SLC24A2: variants seen among roughly 807,000 people sequenced by gnomAD.
SLC24A2 encodes the protein sodium/potassium/calcium exchanger 2.
SLC24A2 carries 36 observed loss-of-function variants against 62.0 expected under a neutral mutation model. That is an observed-to-expected ratio of 0.58 (90% CI 0.44 to 0.77). The LOEUF (loss-of-function observed/expected upper bound fraction) is 0.77. SLC24A2 is among the 30% of genes least tolerant of loss of function. SLC24A2 has a pLI of 0.00. For synonymous variants in SLC24A2, 358 were observed against 294.0 expected, an observed-to-expected ratio of 1.22 and a Z score of -2.23; for missense variants, 846 against 817.9, an observed-to-expected ratio of 1.03 and a Z score of -0.42.
the SLC24A2 span, among the ~76,000 whole-genome samples, chr9:20,060,229 A>G: frequency 6.6e-6 from 1 of 152,140 alleles, no homozygotes; most frequent in Non-Finnish European, 1.5e-5. Context: ...CCAAACATTT[A>G]AAGAAGAAAA....
At chr9:20,014,906 C>G in the SLC24A2 span, among the ~76,000 whole-genome samples, 2 of 151,946 alleles carry the variant, frequency 1.3e-5, no homozygotes, top group South Asian at 2.1e-4. Flanking sequence ...AGAAATGATA[C>G]GTAAGTATGG....
chr9:19,811,471 A>G, the SLC24A2 span, among the ~76,000 whole-genome samples: 1 of 152,082 alleles, frequency 6.6e-6, no homozygotes, highest in South Asian at 2.1e-4. Context: ...TCAACTTGCT[A>G]TTTGACTTAC....
intron 2 of SLC24A2, among the ~76,000 whole-genome samples, chr9:19,692,649 C>A (rs1325932288): frequency 1.3e-5 from 2 of 152,048 alleles, no homozygotes; most frequent in Non-Finnish European, 2.9e-5. Flanking sequence ...ATTCACTCAG[C>A]CTGCTTTATT....
chr9:20,302,871 T>C, the SLC24A2 span, among the ~76,000 whole-genome samples: 2 of 152,204 alleles, frequency 1.3e-5, no homozygotes, highest in Non-Finnish European at 2.9e-5. Context: ...ATGATCAACA[T>C]TGAGGTTGAG....
chr9:20,216,983 G>A, the SLC24A2 span, among the ~76,000 whole-genome samples: 1 of 152,128 alleles, frequency 6.6e-6, no homozygotes, highest in African/African-American at 2.4e-5. Flanking sequence ...TTAAAAGCTG[G>A]TTAGAACTGA....
chr9:20,047,329 G>T, the SLC24A2 span, among the ~76,000 whole-genome samples: 1 of 151,982 alleles, frequency 6.6e-6, no homozygotes, highest in Non-Finnish European at 1.5e-5. Flanking sequence ...GAGGGTTATA[G>T]GGTCTACTGC....
the SLC24A2 span, among the ~76,000 whole-genome samples, chr9:20,254,683 G>C: frequency 0.19 from 28,298 of 152,094 alleles, 2,806 homozygotes; most frequent in African/African-American, 0.25. Flanking sequence ...AGGCAGAAGT[G>C]ACAACTTCTA....
At chr9:20,090,852 G>C in the SLC24A2 span, among the ~76,000 whole-genome samples, 7 of 152,252 alleles carry the variant, frequency 4.6e-5, no homozygotes, top group African/African-American at 1.2e-4. Flanking sequence ...TTTAAACCAG[G>C]CTGTGTTGAC....
At chr9:20,112,193 T>A in the SLC24A2 span, among the ~76,000 whole-genome samples, 2 of 152,128 alleles carry the variant, frequency 1.3e-5, no homozygotes, top group Admixed American at 6.5e-5. Flanking sequence ...AATGAAGAAA[T>A]AATTGTAAAC....
chr9:20,142,326 T>C, the SLC24A2 span, among the ~76,000 whole-genome samples: 2 of 152,184 alleles, frequency 1.3e-5, no homozygotes, highest in Non-Finnish European at 2.9e-5. Flanking sequence ...AAGTTGTTCC[T>C]AAGCTACTAG....
the SLC24A2 span, among the ~76,000 whole-genome samples, chr9:20,111,666 A>G: frequency 6.6e-6 from 1 of 152,096 alleles, no homozygotes; most frequent in Non-Finnish European, 1.5e-5. Flanking sequence ...CTGCATCTTA[A>G]TAGGTTCCCC....
intron 2 of SLC24A2, among the ~76,000 whole-genome samples, chr9:19,765,449 C>T (rs1822485321): frequency 6.6e-6 from 1 of 152,122 alleles, no homozygotes; most frequent in African/African-American, 2.4e-5. Flanking sequence ...TTTTCCTTTC[C>T]ATATTTAGTG....
At chr9:20,017,405 C>A in the SLC24A2 span, among the ~76,000 whole-genome samples, 1 of 152,092 alleles carries the variant, frequency 6.6e-6, no homozygotes, top group Non-Finnish European at 1.5e-5. Context: ...ACAAAAATAT[C>A]TTTATCATAT....
At chr9:19,576,046 C>CT (rs1835999845) in intron 6 of SLC24A2, among the ~76,000 whole-genome samples, 1 of 152,122 alleles carries the variant, frequency 6.6e-6, no homozygotes, top group Non-Finnish European at 1.5e-5. Flanking sequence ...TCCAGTTTTT[C>CT]TTTTCGTATC....
At chr9:19,860,829 G>A in the SLC24A2 span, among the ~76,000 whole-genome samples, 1 of 152,216 alleles carries the variant, frequency 6.6e-6, no homozygotes, top group Non-Finnish European at 1.5e-5. Flanking sequence ...GCCCGAGGTG[G>A]CAGTGGCCTG....
At chr9:19,908,551 C>A in the SLC24A2 span, among the ~76,000 whole-genome samples, 83 of 152,242 alleles carry the variant, frequency 5.5e-4, no homozygotes, top group African/African-American at 1.9e-3. Flanking sequence ...AACAGACAAC[C>A]TACAGAATGA....
At chr9:19,554,966 A>G (rs1326671955) in intron 7 of SLC24A2, among the ~76,000 whole-genome samples, 2 of 152,210 alleles carry the variant, frequency 1.3e-5, no homozygotes, top group Non-Finnish European at 2.9e-5. Context: ...TATGAATTAC[A>G]TAGGAAGCAG....
At chr9:20,098,327 G>A in the SLC24A2 span, among the ~76,000 whole-genome samples, 113 of 152,258 alleles carry the variant, frequency 7.4e-4, no homozygotes, top group African/African-American at 2.5e-3. Context: ...TGAGTGGGGA[G>A]GTCTAGAACT....
chr9:19,838,765 A>AT, the SLC24A2 span, among the ~76,000 whole-genome samples: 2 of 149,800 alleles, frequency 1.3e-5, no homozygotes, highest in Non-Finnish European at 3.0e-5. Context: ...TGTTTTCCTA[A>AT]TTTAAAAAAA....
Sources: gnomAD v4.1 joint callset for allele counts (sites outside exome capture counted in the v4.1 genomes callset) on GRCh38, gnomAD v4.1.1 for gene constraint, MANE v1.5 for transcripts, NCBI Gene and HGNC (gene_info 2026-07-23, HGNC 2026-07-21) for gene names.